The following PDE4D variants were observed in gnomAD, a reference collection of about 807,000 sequenced individuals.
PDE4D encodes the protein 3',5'-cyclic-AMP phosphodiesterase 4D.
PDE4D carries 24 observed loss-of-function variants against 87.4 expected under a neutral mutation model. That is an observed-to-expected ratio of 0.27 (90% confidence interval 0.20 to 0.39). The LOEUF (loss-of-function observed/expected upper bound fraction) is 0.39, where lower values mean the gene tolerates loss of function less well. PDE4D is among the 10% of genes least tolerant of loss of function. The probability of loss-of-function intolerance (pLI) is 1.00; values close to 1 mark genes in which losing one functional copy is unlikely to be tolerated. For synonymous variants in PDE4D, 384 were observed against 383.2 expected (o/e 1.00, Z -0.02); for missense variants, 714 against 1,041.0 (o/e 0.69, Z 4.32).
chr5:60,217,041 TAA>T (rs1272309403), intron 1 of PDE4D, among the ~76,000 whole-genome samples: 1 of 152,084 alleles, frequency 6.6e-6, no homozygotes, highest in African/African-American at 2.4e-5. Context: ...AGCCAGAATT[TAA>T]GTCACAGTAT....
At chr5:59,607,105 A>C (rs1360173355) in intron 1 of PDE4D, among the ~76,000 whole-genome samples, 2 of 151,776 alleles carry the variant, frequency 1.3e-5, no homozygotes, top group Admixed American at 6.6e-5. Context: ...ATGTCAACAG[A>C]TACGCGTAGA....
intron 2 of PDE4D, among the ~76,000 whole-genome samples, chr5:60,085,341 C>T (rs1418028315): frequency 6.6e-6 from 1 of 152,138 alleles, no homozygotes; most frequent in Admixed American, 6.5e-5. Flanking sequence ...GACTCATGTC[C>T]TTTCAGAAAG....
intron 1 of PDE4D, among the ~76,000 whole-genome samples, chr5:60,263,897 A>G (rs1029531240): frequency 2.6e-5 from 4 of 152,194 alleles, no homozygotes; most frequent in African/African-American, 9.6e-5. Context: ...CATGTGAAAA[A>G]ATAATAAACT....
intron 2 of PDE4D, among the ~76,000 whole-genome samples, chr5:60,128,435 A>G (rs1455919555): frequency 6.6e-6 from 1 of 152,166 alleles, no homozygotes; most frequent in Non-Finnish European, 1.5e-5. Context: ...TGTAAGGTAA[A>G]TGGAAGCAAC....
intron 1 of PDE4D, among the ~76,000 whole-genome samples, chr5:59,890,249 G>A (rs935524791): frequency 1.3e-4 from 16 of 124,868 alleles, no homozygotes; most frequent in African/African-American, 2.4e-4. Flanking sequence ...ATGGTGGTGC[G>A]CACGTACACA....
chr5:59,205,405 A>G (rs1010621524), intron 2 of PDE4D, among the ~76,000 whole-genome samples: 8 of 152,136 alleles, frequency 5.3e-5, no homozygotes, highest in African/African-American at 1.9e-4. Context: ...ACTGGGTCAT[A>G]AAATCCCAAG....
intron 1 of PDE4D, among the ~76,000 whole-genome samples, chr5:59,282,418 A>G (rs933526013): frequency 6.6e-6 from 1 of 152,032 alleles, no homozygotes; most frequent in Non-Finnish European, 1.5e-5. Flanking sequence ...AGACGGGTGG[A>G]TCACCTGAGG....
At chr5:60,456,648 C>A (rs1746486924) in intron 1 of PDE4D, among the ~76,000 whole-genome samples, 2 of 152,268 alleles carry the variant, frequency 1.3e-5, no homozygotes, top group South Asian at 4.1e-4. Flanking sequence ...ACAAAGAGAA[C>A]CTTTACTCTC....
chr5:59,029,789 T>C (rs995244430), intron 6 of PDE4D, among the ~76,000 whole-genome samples: 1 of 152,076 alleles, frequency 6.6e-6, no homozygotes, highest in African/African-American at 2.4e-5. Context: ...TTTCAAAATA[T>C]ATTATAAAGC....
chr5:59,189,249 T>TG (rs1561663497), intron 3 of PDE4D, among the ~76,000 whole-genome samples: 37 of 103,654 alleles, frequency 3.6e-4, no homozygotes, highest in South Asian at 5.7e-4. Flanking sequence ...TTTTTGTTTT[T>TG]TTTGTTTTTT....
At chr5:59,958,835 C>A (rs1759150220) in intron 3 of PDE4D, among the ~76,000 whole-genome samples, 1 of 152,034 alleles carries the variant, frequency 6.6e-6, no homozygotes, top group South Asian at 2.1e-4. Context: ...AACGGAAGTC[C>A]TAGTCAGAGC....
chr5:59,898,483 G>A (rs773492176), upstream of PDE4D, among the ~76,000 whole-genome samples: 12 of 152,196 alleles, frequency 7.9e-5, no homozygotes, highest in Non-Finnish European at 1.5e-4. Context: ...ACAGCTCAGT[G>A]AGTCCTCACC....
intron 1 of PDE4D, among the ~76,000 whole-genome samples, chr5:60,377,145 C>A (rs1249792732): frequency 6.6e-6 from 1 of 152,198 alleles, no homozygotes; most frequent in Non-Finnish European, 1.5e-5. Context: ...GTGCTTCTCG[C>A]CTATAGCATT....
Position 59,975,175 on chromosome 5 carries a change from A to C in PDE4D, c.272+13313T>G, listed in dbSNP as rs1334098851. Among the ~76,000 whole-genome samples the C allele has an allele frequency of 2.6e-5, 4 of 152,104 alleles. No individual in the cohort carries two copies. The East Asian group carries it at 7.7e-4, about 29-fold the overall frequency. On this transcript the variant is annotated intron_variant, in intron 3 of 16. Coordinates refer to the PDE4D transcript ENST00000502484. Reference sequence around the variant, plus strand: ...TTTGGTCAGTTTCTCATTCACTGAAAACTGCCCACCTTTTTGTCATCTTGA... The same window carrying C: ...TTTGGTCAGTTTCTCATTCACTGAACACTGCCCACCTTTTTGTCATCTTGA...
At chr5:59,475,086 G>A (rs1803087670) in intron 1 of PDE4D, among the ~76,000 whole-genome samples, 1 of 152,090 alleles carries the variant, frequency 6.6e-6, no homozygotes, top group African/African-American at 2.4e-5. Flanking sequence ...GGTAAAGGAT[G>A]AAGACAGTGT....
intron 5 of PDE4D, among the ~76,000 whole-genome samples, chr5:59,146,998 T>C (rs1778764145): frequency 1.3e-5 from 2 of 152,136 alleles, no homozygotes; most frequent in Admixed American, 1.3e-4. Flanking sequence ...TTATCTCCTG[T>C]CAGATCAGTG....
intron 2 of PDE4D, among the ~76,000 whole-genome samples, chr5:59,209,225 A>G (rs1749524122): frequency 6.6e-6 from 1 of 152,038 alleles, no homozygotes; most frequent in South Asian, 2.1e-4. Context: ...TCACTCTGTC[A>G]TCCAGGCTGG....
At chr5:59,904,000 T>A (rs1752557136) in intron 3 of PDE4D, among the ~76,000 whole-genome samples, 1 of 152,174 alleles carries the variant, frequency 6.6e-6, no homozygotes, top group Admixed American at 6.5e-5. Context: ...AGTTTCCTCA[T>A]CTGTAAAATA....
chr5:60,037,476 T>C (rs146660504), intron 2 of PDE4D, among the ~76,000 whole-genome samples: 1 of 152,334 alleles, frequency 6.6e-6, no homozygotes, highest in African/African-American at 2.4e-5. Context: ...TATAACTTAC[T>C]TTTTAGTCTG....
Sources: allele counts gnomAD v4.1 joint callset (sites outside exome capture counted in the v4.1 genomes callset), GRCh38; gene constraint gnomAD v4.1.1; transcripts MANE v1.5; gene names NCBI Gene and HGNC (gene_info 2026-07-23, HGNC 2026-07-21).